ADA2: variants seen among roughly 807,000 people sequenced by gnomAD.
The protein encoded by ADA2 is adenosine deaminase CECR1.
A neutral mutation model predicts 44.2 loss-of-function variants in ADA2; 29 were observed. That is an observed-to-expected ratio of 0.66 (90% CI 0.49 to 0.89). The LOEUF (loss-of-function observed/expected upper bound fraction) is 0.89, where lower values mean the gene tolerates loss of function less well. Ranked by LOEUF, ADA2 falls within the 40% of genes least tolerant of loss-of-function variation. ADA2 has a pLI of 0.00. For synonymous variants in ADA2, 215 were observed against 234.9 expected, an observed-to-expected ratio of 0.92 and a Z score of 0.77; for missense variants, 637 against 644.8, an observed-to-expected ratio of 0.99 and a Z score of 0.13.
intron 4 of ADA2, among the ~76,000 whole-genome samples, chr22:17,195,383 G>C (rs1568977891): frequency 6.6e-6 from 1 of 152,038 alleles, no homozygotes; most frequent in African/African-American, 2.4e-5. Context: ...ACAACAATTA[G>C]CCGGGCGTGG....
At chr22:17,198,797 A>T (rs1327222104) in intron 4 of ADA2, 1 of 152,292 alleles carries the variant, frequency 6.6e-6, no homozygotes, top group Admixed American at 6.6e-5. Flanking sequence ...GCCGTGGGGG[A>T]AGGGGCCGGA....
In ADA2 at chr22:17,209,709, G is replaced by A. The variant is rs371768157; in HGVS notation, c.-32C>T. On this transcript the variant is annotated 5_prime_UTR_variant, in exon 2 of 10. Coordinates refer to ENST00000399837, the MANE Select transcript of ADA2 (RefSeq NM_001282225.2). ...GCCTGGACTAGGAAAGGGCTCAGAT[G>A]GAGACTCCACGGGACTGCAAAGGAG... is the stretch of plus-strand genomic sequence containing the variant. 2.5e-5 allele frequency: 39 copies of A among 1,580,034 alleles called. No individual in the cohort carries two copies. Among genetic ancestry groups the A allele is most frequent in the Non-Finnish European group, 3.2e-5 (37 of 1,158,114 alleles).
intron 3 of ADA2, among the ~76,000 whole-genome samples, chr22:17,204,928 T>G (rs11704386): frequency 0.57 from 86,018 of 151,518 alleles, 25,026 homozygotes; most frequent in Middle Eastern, 0.71. Flanking sequence ...CTGGGGTAGC[T>G]GAGACTATAG....
At chr22:17,205,358 C>T (rs577061962) in intron 3 of ADA2, among the ~76,000 whole-genome samples, 3 of 152,180 alleles carry the variant, frequency 2.0e-5, no homozygotes, top group South Asian at 2.1e-4. Flanking sequence ...AAGTGATCCT[C>T]CCACCTCAGC....
At chr22:17,210,276 C>T (rs5747023) in intron 1 of ADA2, among the ~76,000 whole-genome samples, 84,142 of 149,160 alleles carry the variant, frequency 0.56, 24,805 homozygotes, top group East Asian at 0.92. Flanking sequence ...CTGCAACCTC[C>T]GCCTCCCGGG....
intron 9 of ADA2, 74 bp from the exon 10 acceptor site, chr22:17,181,650 A>G: frequency 8.5e-7 from 1 of 1,177,178 alleles, no homozygotes; most frequent in Admixed American, 1.7e-5. Flanking sequence ...CTGAGAGGAC[A>G]TTAGAGCCTT....
chr22:17,201,478 A>C (rs2062286872), intron 4 of ADA2, among the ~76,000 whole-genome samples: 1 of 152,178 alleles, frequency 6.6e-6, no homozygotes, highest in Non-Finnish European at 1.5e-5. Context: ...GTCAGTCCCC[A>C]AGGCATTTGT....
chr22:17,211,142 A>G (rs5748944), intron 1 of ADA2, among the ~76,000 whole-genome samples: 85,638 of 151,794 alleles, frequency 0.56, 25,286 homozygotes, highest in East Asian at 0.93. Context: ...CGGGTGGATC[A>G]CGAGGTCAGG....
intron 1 of ADA2, among the ~76,000 whole-genome samples, chr22:17,217,402 A>G (rs1047329632): frequency 2.6e-5 from 4 of 152,184 alleles, no homozygotes; most frequent in African/African-American, 9.7e-5. Context: ...ATTAGAAAGG[A>G]TTATCAAAAC....
upstream of ADA2, among the ~76,000 whole-genome samples, chr22:17,221,331 A>C (rs566276890): frequency 2.6e-4 from 39 of 152,148 alleles, no homozygotes; most frequent in African/African-American, 9.4e-4. Context: ...GTACATGTGC[A>C]CAATGTGCAG....
intron 4 of ADA2, among the ~76,000 whole-genome samples, chr22:17,203,176 T>C (rs1274786485): frequency 1.3e-5 from 2 of 152,194 alleles, no homozygotes; most frequent in Middle Eastern, 3.2e-3. Flanking sequence ...CATGGACGAT[T>C]ATGCATCTGC....
intron 4 of ADA2, chr22:17,199,725 T>G: frequency 6.6e-7 from 1 of 1,516,228 alleles, no homozygotes; most frequent in Non-Finnish European, 8.8e-7. Flanking sequence ...AGCCACCCCT[T>G]ACTACCTATT....
intron 4 of ADA2, among the ~76,000 whole-genome samples, chr22:17,200,565 C>A (rs1375987725): frequency 1.3e-5 from 2 of 152,122 alleles, no homozygotes; most frequent in African/African-American, 4.8e-5. Flanking sequence ...CTCCAGGATC[C>A]AGCCTTGCCG....
At chr22:17,197,417 A>G (rs7410520) in intron 4 of ADA2, among the ~76,000 whole-genome samples, 15,702 of 151,990 alleles carry the variant, frequency 0.1, 1,135 homozygotes, top group East Asian at 0.32. Flanking sequence ...GCATACCACC[A>G]TACCTGGCTA....
At chr22:17,189,040 G>A (rs1248907617) in intron 6 of ADA2, among the ~76,000 whole-genome samples, 1 of 116,158 alleles carries the variant, frequency 8.6e-6, no homozygotes, top group African/African-American at 3.2e-5. Flanking sequence ...TTTTTTTTGA[G>A]ATGGAGTCTT....
At chr22:17,184,228 T>A (rs1052452640) in intron 7 of ADA2, among the ~76,000 whole-genome samples, 15 of 151,482 alleles carry the variant, frequency 9.9e-5, no homozygotes, top group South Asian at 2.1e-4. Flanking sequence ...CCTCCCAAAG[T>A]GCTGGGATTA....
intron 4 of ADA2, among the ~76,000 whole-genome samples, chr22:17,196,002 C>T (rs1296159755): frequency 6.6e-6 from 1 of 151,970 alleles, no homozygotes; most frequent in Non-Finnish European, 1.5e-5. Flanking sequence ...TCGCCTCAGC[C>T]TCCCAAAGCG....
chr22:17,200,066 A>G (rs955346149), intron 4 of ADA2, among the ~76,000 whole-genome samples: 1 of 152,100 alleles, frequency 6.6e-6, no homozygotes, highest in African/African-American at 2.4e-5. Flanking sequence ...GCGGTGGTGT[A>G]CACCTGTAAT....
chr22:17,200,882 CA>C (rs3078427), intron 4 of ADA2, among the ~76,000 whole-genome samples: 108 of 119,194 alleles, frequency 9.1e-4, no homozygotes, highest in Non-Finnish European at 9.0e-4. Flanking sequence ...AACTCTGCCT[CA>C]AAAAAAAAAA....
Sources: allele counts gnomAD v4.1 joint callset (sites outside exome capture counted in the v4.1 genomes callset), GRCh38; gene constraint gnomAD v4.1.1; transcripts MANE v1.5; gene names NCBI Gene and HGNC (gene_info 2026-07-23, HGNC 2026-07-21).